The following PCDHGA6 variants were observed in gnomAD, a reference collection of about 807,000 sequenced individuals.
PCDHGA6 encodes the protein protocadherin gamma subfamily A, 6, also known as protocadherin gamma-A6.
In PCDHGA6, 41 loss-of-function variants were observed where a neutral mutation model predicts 60.6. That is an observed-to-expected ratio of 0.68 (90% confidence interval 0.53 to 0.88). PCDHGA6 has a LOEUF of 0.88. PCDHGA6 is among the 40% of genes least tolerant of loss of function. The pLI, the probability that PCDHGA6 is intolerant of heterozygous loss-of-function variation, is 0.00. For missense variants in PCDHGA6, 1,312 were observed against 1,203.0 expected (o/e 1.09, Z -1.34); for synonymous variants, 594 against 524.4 (o/e 1.13, Z -1.81).
intron 1 of PCDHGA6, chr5:141,385,685 C>T (rs1022994434): frequency 3.0e-6 from 1 of 331,334 alleles, no homozygotes; most frequent in Non-Finnish European, 4.5e-6. Flanking sequence ...CAGCTGTCTT[C>T]TCAGGATTCT....
intron 1 of PCDHGA6, chr5:141,409,566 C>T: frequency 2.5e-6 from 4 of 1,613,978 alleles, no homozygotes; most frequent in Middle Eastern, 1.6e-4. Context: ...TTCGACCAGA[C>T]GTCCTACGTG....
rs1407774111 is a variant in PCDHGA6 at position 141,431,569 on chromosome 5, C to G, written c.2424+55062C>G. On this transcript the variant is annotated intron_variant, in intron 1 of 3. Transcript: ENST00000517434. The surrounding 1 kb of genome is among the most constrained non-coding windows in gnomAD (Gnocchi z 4.8). Reference sequence around the variant, plus strand: ...TTGTAGTCAACGCTACCGACCCTGACGAAGGAGTCAATGCGGAAGTGAGGT... The same window carrying G: ...TTGTAGTCAACGCTACCGACCCTGAGGAAGGAGTCAATGCGGAAGTGAGGT... 5.6e-6 allele frequency: 9 copies of G among 1,614,000 alleles called. No homozygotes were observed. Among genetic ancestry groups the G allele is most frequent in the African/African-American group, 2.7e-5 (2 of 74,932 alleles).
rs572270591 is a variant in PCDHGA6, at chr5:141,397,633, T to C, written c.2424+21126T>C. The stretch of plus-strand genomic sequence containing the variant: ...GGCAATACTTAGTTCTAGCTAAGAG[T>C]TCAAGGTATGTTTGCAGAATGGTGA... On this transcript the variant is annotated intron_variant, in intron 1 of 3. Coordinates refer to ENST00000517434, the MANE Select transcript of PCDHGA6 (RefSeq NM_018919.3). Among the ~76,000 whole-genome samples, 5 of 152,252 alleles carry C rather than the reference T, an allele frequency of 3.3e-5. No homozygotes were observed. In the East Asian group the frequency reaches 9.7e-4, roughly 29 times the overall value.
At position 141,477,039 on chromosome 5, in the gene PCDHGA6, G is replaced by C. The variant is rs1313580652; in HGVS notation, c.2425-17768G>C. Reference sequence around the variant, plus strand: ...GTAACCGGGATGCTGACAATCAAGGGTCGGCTGGACTTCGAGGACACCAAA... The same window carrying C: ...GTAACCGGGATGCTGACAATCAAGGCTCGGCTGGACTTCGAGGACACCAAA... On this transcript the variant is annotated intron_variant, in intron 1 of 3. Coordinates refer to ENST00000517434, the MANE Select transcript of PCDHGA6 (RefSeq NM_018919.3). This position sits in a 1 kb window ranked among gnomAD's most constrained non-coding sequence, Gnocchi z 4.9. 1 of 1,614,144 alleles carries C rather than the reference G, an allele frequency of 6.2e-7. No individual in the cohort carries two copies. The highest frequency in any genetic ancestry group is 8.5e-7 in the Non-Finnish European group (1 of 1,180,056).
Position 141,433,020 on chromosome 5 carries a change from C to T in PCDHGA6, c.2424+56513C>T, listed in dbSNP as rs761127608. 1.1e-5 allele frequency: 17 copies of T among 1,614,152 alleles called. No individual in the cohort carries two copies. The South Asian group carries it at 1.9e-4, about 18-fold the overall frequency. On this transcript the variant is annotated intron_variant, in intron 1 of 3. Coordinates refer to ENST00000517434, the MANE Select transcript of PCDHGA6 (RefSeq NM_018919.3). ...GTGCAGGCTTTCCTGCAGACCTATTCCCACGAGGTTTCCCTCACCACGGAC... is the reference window on the plus strand; with the variant it reads ...GTGCAGGCTTTCCTGCAGACCTATTTCCACGAGGTTTCCCTCACCACGGAC...
At chr5:141,428,003 C>T in intron 1 of PCDHGA6, 1 of 1,601,362 alleles carries the variant, frequency 6.2e-7, no homozygotes, top group East Asian at 2.2e-5. Flanking sequence ...CCGCACTCTT[C>T]GATATAGTGC....
At chr5:141,468,889 G>T (rs2099184580) in intron 1 of PCDHGA6, among the ~76,000 whole-genome samples, 1 of 151,496 alleles carries the variant, frequency 6.6e-6, no homozygotes, top group African/African-American at 2.4e-5. Flanking sequence ...ATAATAATAA[G>T]GTACTAATAT....
In PCDHGA6 at chr5:141,408,807, G is replaced by A. The variant is rs372007066; in HGVS notation, c.2424+32300G>A. On this transcript the variant is annotated intron_variant, in intron 1 of 3. Transcript: ENST00000517434. ...TTATCTCTGGAGAAACTCCTAGACCGGGAAGAACAGAGATCTCATAGCTTG... is the reference window on the plus strand; with the variant it reads ...TTATCTCTGGAGAAACTCCTAGACCAGGAAGAACAGAGATCTCATAGCTTG... 1.2e-5 allele frequency: 20 copies of A among 1,612,986 alleles called. No homozygotes were observed. Among genetic ancestry groups the A allele is most frequent in the Middle Eastern group, 1.6e-4 (1 of 6,084 alleles).
chr5:141,374,151 T>C lies in PCDHGA6; in HGVS notation c.68T>C (p.Leu23Pro), dbSNP rs759314106. ...CTGCTCCTCACGCTCCTGGGGACGC[T>C]GTGGGGGGCCGCGGCAGCGCAGATC... ...QVLLLTLLGT[L>P]WGAAAAQIRY... Residue 23 changes from leucine (L) to proline (P), a missense_variant, in exon 1 of 4, where the codon CTG becomes CCG. Coordinates refer to ENST00000517434, the MANE Select transcript of PCDHGA6 (RefSeq NM_018919.3). 2 of 1,611,862 alleles carry C rather than the reference T, an allele frequency of 1.2e-6. No individual in the cohort carries two copies. Among genetic ancestry groups the C allele is most frequent in the Non-Finnish European group, 1.7e-6 (2 of 1,178,732 alleles).
At chr5:141,384,236 A>T in intron 1 of PCDHGA6, 1 of 1,613,886 alleles carries the variant, frequency 6.2e-7, no homozygotes, top group Non-Finnish European at 8.5e-7. Context: ...GCAGACACCA[A>T]CGATAACCCA....
At position 141,505,390 on chromosome 5, in the gene PCDHGA6, C is replaced by T; in HGVS notation, c.2484-3C>T. On this transcript the variant is annotated splice_polypyrimidine_tract_variant and splice_region_variant and intron_variant, in intron 2 of 3. Coordinates refer to ENST00000517434, the MANE Select transcript of PCDHGA6 (RefSeq NM_018919.3). ...TGTGCTCACCATCCTACTCTCTCCCCAGCTCCCAAAATGGCGATGACACCG... is the reference window on the plus strand; with the variant it reads ...TGTGCTCACCATCCTACTCTCTCCCTAGCTCCCAAAATGGCGATGACACCG... The T allele has an allele frequency of 6.2e-7, 1 of 1,614,130 alleles. No individual in the cohort carries two copies.
At chr5:141,418,021 A>G (rs748774040) in intron 1 of PCDHGA6, 11 of 1,613,978 alleles carry the variant, frequency 6.8e-6, no homozygotes, top group African/African-American at 1.3e-5. Context: ...CTAAGGATCT[A>G]GGGCTTAGTG....
intron 1 of PCDHGA6, among the ~76,000 whole-genome samples, chr5:141,456,911 C>T (rs1262649726): frequency 2.0e-5 from 3 of 151,928 alleles, no homozygotes; most frequent in Non-Finnish European, 4.4e-5. Flanking sequence ...TGCAGTGAGC[C>T]GAGATCGCAC....
chr5:141,415,533 G>C lies in PCDHGA6; in HGVS notation c.2424+39026G>C, dbSNP rs749139053. On this transcript the variant is annotated intron_variant, in intron 1 of 3. Coordinates refer to ENST00000517434, the MANE Select transcript of PCDHGA6 (RefSeq NM_018919.3). ...ATTATGCGGACACGCTCATCAGCCA[G>C]GAGAGCTGTGAGAAAAACGATCCTT... is the stretch of plus-strand genomic sequence containing the variant. 1.4e-5 allele frequency: 22 copies of C among 1,614,080 alleles called. No individual in the cohort carries two copies. Among genetic ancestry groups the C allele is most frequent in the Non-Finnish European group, 1.9e-5 (22 of 1,180,042 alleles).
intron 1 of PCDHGA6, chr5:141,412,489 T>C (rs1292155082): frequency 6.6e-6 from 1 of 152,176 alleles, no homozygotes; most frequent in East Asian, 1.9e-4. Context: ...TCTTACACAA[T>C]CCTAAGCTAA....
chr5:141,412,983 G>A (rs1372992044), intron 1 of PCDHGA6: 1 of 557,334 alleles, frequency 1.8e-6, no homozygotes, highest in Admixed American at 3.6e-5. Context: ...CGCAGCCAGA[G>A]CTCAATCCGG....
intron 1 of PCDHGA6, among the ~76,000 whole-genome samples, chr5:141,463,809 T>G (rs964935762): frequency 1.3e-5 from 2 of 152,216 alleles, no homozygotes; most frequent in African/African-American, 4.8e-5. Context: ...TAAAAGCTTT[T>G]ATCACACATT....
chr5:141,403,953 T>C, intron 1 of PCDHGA6: 1 of 1,613,860 alleles, frequency 6.2e-7, no homozygotes, highest in South Asian at 1.1e-5. Flanking sequence ...ACAAAAGTGC[T>C]CATTTCGGTG....
intron 1 of PCDHGA6, chr5:141,427,490 T>C (rs752745429): frequency 1.8e-6 from 1 of 551,082 alleles, no homozygotes; most frequent in Non-Finnish European, 3.5e-6. Flanking sequence ...ACTATAAGCT[T>C]GTAACAGATG....
Sources: allele counts gnomAD v4.1 joint callset (sites outside exome capture counted in the v4.1 genomes callset), GRCh38; gene constraint gnomAD v4.1.1; non-coding constraint Gnocchi (gnomAD v3.1); transcripts MANE v1.5; gene names NCBI Gene and HGNC (gene_info 2026-07-23, HGNC 2026-07-21).